Variants in TTC33 observed in about 807,000 individuals in gnomAD.
The protein encoded by TTC33 is tetratricopeptide repeat domain 33.
Under a neutral mutation model 29.4 loss-of-function variants are expected in TTC33, and 24 were observed. The observed-to-expected ratio is 0.82, with a 90% CI of 0.59 to 1.15. The LOEUF is 1.15. Among genes scored for constraint, TTC33 ranks in the 50% most tolerant of loss-of-function variants. The pLI, the probability that TTC33 is intolerant of heterozygous loss-of-function variation, is 0.00. For synonymous variants in TTC33, 107 were observed against 100.3 expected (o/e 1.07, Z -0.40); for missense variants, 286 against 310.4 (o/e 0.92, Z 0.59).
rs1218105563 is a variant in TTC33 at position 40,744,490 on chromosome 5, T to TG, written c.221+2307_221+2308insC. ...AATCTTATCACCACTCTTACCAGTT[T>TG]TTTTTTTTTTTTTTTAAGGAACAAA... On this transcript the variant is annotated intron_variant, in intron 2 of 4. Transcript: ENST00000337702. 4.7e-3 allele frequency among the ~76,000 whole-genome samples: 707 copies of TG among 151,244 alleles called. 5 individuals are homozygous for TG. The highest frequency in any genetic ancestry group is 0.016 in the African/African-American group (674 of 41,298).
chr5:40,734,498 A>G (rs1390457886), intron 2 of TTC33, among the ~76,000 whole-genome samples: 1 of 152,236 alleles, frequency 6.6e-6, no homozygotes, highest in Non-Finnish European at 1.5e-5. Flanking sequence ...GAATAGTTCC[A>G]TGGACTACAA....
intron 2 of TTC33, among the ~76,000 whole-genome samples, chr5:40,733,711 T>C (rs1742486167): frequency 6.6e-6 from 1 of 152,198 alleles, no homozygotes; most frequent in Non-Finnish European, 1.5e-5. Context: ...GCTGTCTTGC[T>C]GAAAATACCA....
At chr5:40,752,356 A>G (rs1047190221) in intron 1 of TTC33, among the ~76,000 whole-genome samples, 2 of 152,178 alleles carry the variant, frequency 1.3e-5, no homozygotes, top group Non-Finnish European at 1.5e-5. Context: ...CTTTGCATTC[A>G]CCACTTGGCT....
chr5:40,721,686 A>ACAAAG (rs1373370841), intron 4 of TTC33, among the ~76,000 whole-genome samples: 1 of 150,218 alleles, frequency 6.7e-6, no homozygotes, highest in Non-Finnish European at 1.5e-5. Flanking sequence ...AAAAACAAAA[A>ACAAAG]CAAAACAAAA....
chr5:40,723,019 A>G (rs1474719420), intron 4 of TTC33, among the ~76,000 whole-genome samples: 1 of 152,216 alleles, frequency 6.6e-6, no homozygotes, highest in Non-Finnish European at 1.5e-5. Flanking sequence ...GGGGAAAAGG[A>G]GAGATCGGAT....
At chr5:40,723,154 A>T (rs1343278920) in intron 4 of TTC33, among the ~76,000 whole-genome samples, 2 of 152,140 alleles carry the variant, frequency 1.3e-5, no homozygotes, top group Non-Finnish European at 2.9e-5. Flanking sequence ...GTGCTCTCTG[A>T]AACATGTGCT....
chr5:40,720,760 A>G (rs1221443888), intron 4 of TTC33, among the ~76,000 whole-genome samples: 1 of 152,202 alleles, frequency 6.6e-6, no homozygotes, highest in Non-Finnish European at 1.5e-5. Flanking sequence ...CATCAAAGCC[A>G]GAAGGGAGAT....
intron 4 of TTC33, among the ~76,000 whole-genome samples, chr5:40,722,581 G>A (rs570984404): frequency 4.7e-5 from 7 of 149,656 alleles, no homozygotes; most frequent in Admixed American, 1.3e-4. Context: ...ACTGAGGAGC[G>A]TCTCTGACCG....
chr5:40,733,231 G>A (rs1742475285), intron 2 of TTC33, among the ~76,000 whole-genome samples: 1 of 152,146 alleles, frequency 6.6e-6, no homozygotes, highest in African/African-American at 2.4e-5. Context: ...GATGTTTGAG[G>A]TTTCAGGAGT....
chr5:40,755,123 T>A (rs1461551622), intron 1 of TTC33, among the ~76,000 whole-genome samples: 1 of 152,176 alleles, frequency 6.6e-6, no homozygotes, highest in Non-Finnish European at 1.5e-5. Flanking sequence ...AACGACGCTG[T>A]ATTCTAAATT....
chr5:40,726,420 A>G (rs959667741), intron 4 of TTC33, among the ~76,000 whole-genome samples: 3 of 151,542 alleles, frequency 2.0e-5, no homozygotes, highest in African/African-American at 7.3e-5. Context: ...TGCTTTCAAT[A>G]TATTTTACAT....
At chr5:40,747,816 C>T (rs1318779558) in intron 1 of TTC33, among the ~76,000 whole-genome samples, 1 of 152,016 alleles carries the variant, frequency 6.6e-6, no homozygotes, top group Non-Finnish European at 1.5e-5. Flanking sequence ...TCAAAAAAGC[C>T]AATGAGAAGA....
chr5:40,726,917 T>C (rs1224643401), intron 4 of TTC33, among the ~76,000 whole-genome samples: 1 of 152,174 alleles, frequency 6.6e-6, no homozygotes, highest in African/African-American at 2.4e-5. Flanking sequence ...TTTCCAACTC[T>C]GGTATGATTT....
chr5:40,715,233 AT>A lies in TTC33; in HGVS notation c.*911del, dbSNP rs1418730678. Reference sequence around the variant, plus strand: ...TCAAAAAAAGTTATCTAGAAAAGTAATTCCCAGTCATCAAATGGAAAGACAC... The same window carrying A: ...TCAAAAAAAGTTATCTAGAAAAGTAATCCCAGTCATCAAATGGAAAGACAC... On this transcript the variant is annotated 3_prime_UTR_variant, in exon 5 of 5. Transcript: ENST00000337702. 12 of 152,138 alleles carry A rather than the reference AT, an allele frequency of 7.9e-5. No individual in the cohort carries two copies. The highest frequency in any genetic ancestry group is 2.9e-5 in the Non-Finnish European group (2 of 67,960). The allele number at this position is 152,138 out of a possible 1,614,324, so 9.4% of individuals were successfully genotyped here.
intron 2 of TTC33, among the ~76,000 whole-genome samples, chr5:40,735,928 T>TG (rs1437867005): frequency 6.6e-6 from 1 of 152,028 alleles, no homozygotes; most frequent in Non-Finnish European, 1.5e-5. Flanking sequence ...CATCAAGAAA[T>TG]GGAGTTTGTA....
At chr5:40,753,929 A>AC (rs1349657225) in intron 1 of TTC33, among the ~76,000 whole-genome samples, 1 of 152,050 alleles carries the variant, frequency 6.6e-6, no homozygotes, top group African/African-American at 2.4e-5. Context: ...AAAAAAAAAA[A>AC]CCGTTGATCA....
chr5:40,753,709 A>C (rs1271747901), intron 1 of TTC33, among the ~76,000 whole-genome samples: 1 of 152,216 alleles, frequency 6.6e-6, no homozygotes, highest in African/African-American at 2.4e-5. Context: ...GTGTAAGACA[A>C]GATAAAAAGA....
chr5:40,733,053 T>A (rs552436623), intron 2 of TTC33, among the ~76,000 whole-genome samples: 1 of 152,176 alleles, frequency 6.6e-6, no homozygotes, highest in East Asian at 1.9e-4. Flanking sequence ...TAAAAACAAA[T>A]TCTATCCTAA....
Position 40,747,010 on chromosome 5 carries a change from G to A in TTC33, c.9C>T (p.Ser3=). MA[S]FGWKRKIGEK... ...CACCAATTTTCCTCTTCCACCCAAA[G>A]GAAGCCATTCTGGAAAATTACAAAG... The change falls in exon 2 of 5, where the codon TCC becomes TCT. Residue 3 remains serine (S), a synonymous_variant. Transcript: ENST00000337702. 6.2e-7 allele frequency: 1 copy of A among 1,607,622 alleles called. No individual in the cohort carries two copies. Among genetic ancestry groups the A allele is most frequent in the Non-Finnish European group, 8.5e-7 (1 of 1,178,288 alleles).
Sources: allele counts gnomAD v4.1 joint callset (sites outside exome capture counted in the v4.1 genomes callset), GRCh38; gene constraint gnomAD v4.1.1; transcripts MANE v1.5; gene names NCBI Gene and HGNC (gene_info 2026-07-23, HGNC 2026-07-21).